Variants in BFSP1 observed in about 807,000 individuals in gnomAD.
BFSP1 encodes the protein filensin.
BFSP1 carries 38 observed loss-of-function variants against 43.9 expected under a neutral mutation model. The observed-to-expected ratio is 0.87, with a 90% CI of 0.67 to 1.14. The LOEUF is 1.14. Ranked by LOEUF, BFSP1 falls within the 50% of genes most tolerant of loss-of-function variation. The pLI is 0.00. For missense variants in BFSP1, 850 were observed against 875.1 expected (o/e 0.97, Z 0.36); for synonymous variants, 352 against 354.8 (o/e 0.99, Z 0.09).
At chr20:17,551,511 C>A (rs535201404) in intron 1 of BFSP1, among the ~76,000 whole-genome samples, 2 of 152,170 alleles carry the variant, frequency 1.3e-5, no homozygotes. Flanking sequence ...GTGACAACAT[C>A]CAAACTATAT....
intron 2 of BFSP1, among the ~76,000 whole-genome samples, chr20:17,523,552 G>T (rs73262328): frequency 1.3e-5 from 2 of 151,524 alleles, no homozygotes; most frequent in African/African-American, 4.9e-5. Flanking sequence ...ATGTCCAACA[G>T]GCTCGAGGCC....
intron 1 of BFSP1, among the ~76,000 whole-genome samples, chr20:17,564,325 C>G (rs78721267): frequency 0.063 from 9,239 of 146,604 alleles, 388 homozygotes; most frequent in Middle Eastern, 0.094. Context: ...CGTGTTTGTA[C>G]AACTGCACTC....
chr20:17,539,105 C>CTTTTTT lies in BFSP1; in HGVS notation c.3-14203_3-14198dup, dbSNP rs1156875265. The stretch of plus-strand genomic sequence containing the variant: ...TGCATCCATGAATATATTTCTTCTT[C>CTTTTTT]TTTTTTTTTTTTTTTTTTTTTTTTT... On this transcript the variant is annotated intron_variant, in intron 1 of 7. Coordinates refer to the BFSP1 transcript ENST00000377868. Among the ~76,000 whole-genome samples the CTTTTTT allele has an allele frequency of 1.5e-3, 94 of 63,558 alleles. 2 individuals carry two copies. Among genetic ancestry groups the CTTTTTT allele is most frequent in the East Asian group, 4.1e-3 (8 of 1,954 alleles). 41.7% of individuals were successfully genotyped at this position (63,558 alleles called of 152,430 possible).
In BFSP1 at chr20:17,508,787, C is replaced by T. The variant is rs2034003342; in HGVS notation, c.735+102G>A. 11 of 1,099,370 alleles carry T rather than the reference C, an allele frequency of 1.0e-5. No individual in the cohort carries two copies. In the South Asian group the frequency reaches 2.0e-4, roughly 20 times the overall value. 68.1% of individuals were successfully genotyped at this position (1,099,370 alleles called of 1,614,324 possible). A position where few individuals can be genotyped will look rare whatever the true frequency, so the allele number is the denominator to read the frequency against. ...TTCTGCCAGGAACATAGGATATGTT[C>T]AGCGTGTGACAGCTCCTCAAGCTGC... On this transcript the variant is annotated intron_variant, in intron 5 of 7. Coordinates refer to ENST00000377873, the MANE Select transcript of BFSP1 (RefSeq NM_001195.5).
At chr20:17,524,995 G>A (rs757396429) in intron 1 of BFSP1, 87 bp from the exon 2 acceptor site, 20 of 1,164,340 alleles carry the variant, frequency 1.7e-5, no homozygotes, top group Middle Eastern at 1.9e-4. Context: ...ATTCAACCTG[G>A]GTACGATGCC....
At chr20:17,561,250 G>A (rs2035064441), upstream of BFSP1, among the ~76,000 whole-genome samples, 1 of 152,220 alleles carries the variant, frequency 6.6e-6, no homozygotes, top group South Asian at 2.1e-4. Flanking sequence ...TGTAATCCCA[G>A]CACTTTGGGA....
rs1465975962 is a variant in BFSP1 at position 17,542,376 on chromosome 20, GC to G, written c.2+16311del. 2.0e-5 allele frequency among the ~76,000 whole-genome samples: 3 copies of G among 148,548 alleles called. No individual in the cohort carries two copies. In the East Asian group the frequency reaches 6.0e-4, roughly 30 times the overall value. On this transcript the variant is annotated intron_variant, in intron 1 of 7. Coordinates refer to the BFSP1 transcript ENST00000377868. ...AGGCCGAGATAGGAGGACTGCTTGA[GC>G]CCAGGAATTCAAGACCAGCCTAGGC...
upstream of BFSP1, chr20:17,563,039 G>A (rs533836265): frequency 1.1e-4 from 16 of 152,346 alleles, no homozygotes; most frequent in Non-Finnish European, 1.8e-4. Flanking sequence ...AAAGGGCTTG[G>A]GATCAGATCC....
chr20:17,508,070 G>A (rs1367073438), intron 5 of BFSP1, among the ~76,000 whole-genome samples: 3 of 152,152 alleles, frequency 2.0e-5, no homozygotes, highest in African/African-American at 7.2e-5. Context: ...TGAAGTGTCC[G>A]ATTTTTACAC....
At chr20:17,555,376 G>A (rs1296642345) in intron 1 of BFSP1, among the ~76,000 whole-genome samples, 2 of 151,902 alleles carry the variant, frequency 1.3e-5, no homozygotes, top group Non-Finnish European at 2.9e-5. Flanking sequence ...AACATGGCCG[G>A]CAGTGGTGGT....
intron 1 of BFSP1, among the ~76,000 whole-genome samples, chr20:17,545,203 G>A (rs1001638322): frequency 2.0e-5 from 3 of 152,182 alleles, no homozygotes; most frequent in African/African-American, 4.8e-5. Flanking sequence ...GAGCAGGTAG[G>A]GCTTTTTTTT....
At chr20:17,526,215 G>C (rs1332723471) in intron 1 of BFSP1, among the ~76,000 whole-genome samples, 1 of 123,692 alleles carries the variant, frequency 8.1e-6, no homozygotes, top group Non-Finnish European at 1.6e-5. Context: ...TAAGTATATA[G>C]TTTGTGATAG....
chr20:17,535,652 TAGTA>T (rs1169062243), upstream of BFSP1, among the ~76,000 whole-genome samples: 2 of 152,192 alleles, frequency 1.3e-5, no homozygotes, highest in East Asian at 1.9e-4. Flanking sequence ...GTATGAGAGA[TAGTA>T]AGGAAATTAG....
intron 3 of BFSP1, among the ~76,000 whole-genome samples, chr20:17,513,686 G>A (rs922085721): frequency 6.6e-6 from 1 of 152,242 alleles, no homozygotes; most frequent in South Asian, 2.1e-4. Context: ...CGTAGTTTGG[G>A]TTTCCCCAGA....
upstream of BFSP1, among the ~76,000 whole-genome samples, chr20:17,559,521 T>C (rs1407194): frequency 0.99 from 150,018 of 152,298 alleles, 73,928 homozygotes; most frequent in Middle Eastern, 1. Flanking sequence ...TATGGCTACT[T>C]AACAGTAGGG....
At chr20:17,564,917 T>C (rs2122134146) in intron 1 of BFSP1, among the ~76,000 whole-genome samples, 1 of 151,736 alleles carries the variant, frequency 6.6e-6, no homozygotes, top group South Asian at 2.1e-4. Context: ...TTTTGACAAA[T>C]GTGTATACCC....
chr20:17,502,314 G>T (rs2033823472), intron 5 of BFSP1, among the ~76,000 whole-genome samples: 1 of 152,204 alleles, frequency 6.6e-6, no homozygotes, highest in Non-Finnish European at 1.5e-5. Context: ...CTCCATGGGG[G>T]TCTTGCCAAG....
At chr20:17,530,614 T>A (rs376866797) in intron 1 of BFSP1, among the ~76,000 whole-genome samples, 24 of 152,234 alleles carry the variant, frequency 1.6e-4, no homozygotes, top group Admixed American at 8.5e-4. Flanking sequence ...AGTGGAAATA[T>A]CTCACTTGTT....
rs892706560 is a variant in BFSP1, at chr20:17,525,641, G to A, written c.378-733C>T. Reference sequence around the variant, plus strand: ...TGCTCGGCTGGGACAACTGAGGCACGTCCCTCTGGGGGAATTTTAACCCTA... The same window carrying A: ...TGCTCGGCTGGGACAACTGAGGCACATCCCTCTGGGGGAATTTTAACCCTA... On this transcript the variant is annotated intron_variant, in intron 1 of 7. Coordinates refer to ENST00000377873, the MANE Select transcript of BFSP1 (RefSeq NM_001195.5). This position sits in a 1 kb window ranked among gnomAD's most constrained non-coding sequence, Gnocchi z 4.2. Among the ~76,000 whole-genome samples, 36 of 152,156 alleles carry A rather than the reference G, an allele frequency of 2.4e-4. No individual in the cohort carries two copies. The highest frequency in any genetic ancestry group is 4.6e-4 in the Admixed American group (7 of 15,280).
Sources: allele counts gnomAD v4.1 joint callset (sites outside exome capture counted in the v4.1 genomes callset), GRCh38; gene constraint gnomAD v4.1.1; non-coding constraint Gnocchi (gnomAD v3.1); transcripts MANE v1.5; gene names NCBI Gene and HGNC (gene_info 2026-07-23, HGNC 2026-07-21).